MBNL3: variants seen among roughly 807,000 people sequenced by gnomAD.
The protein encoded by MBNL3 is muscleblind like splicing regulator 3, also known as muscleblind-like protein 3.
In MBNL3, 6 loss-of-function variants were observed where a neutral mutation model predicts 24.5. The observed-to-expected ratio is 0.25, with a 90% CI of 0.13 to 0.48. The LOEUF is 0.48. MBNL3 is among the 20% of genes least tolerant of loss of function. The pLI, the probability that MBNL3 is intolerant of heterozygous loss-of-function variation, is 0.99. For synonymous variants in MBNL3, 100 were observed against 101.7 expected, an observed-to-expected ratio of 0.98 and a Z score of 0.10; for missense variants, 230 against 293.5, an observed-to-expected ratio of 0.78 and a Z score of 1.58.
intron 3 of MBNL3, among the ~76,000 whole-genome samples, chrX:132,395,075 A>C (rs1937845490): frequency 1.8e-5 from 2 of 111,827 alleles, no homozygotes; most frequent in African/African-American, 6.5e-5. Context: ...GAAGCAAGCT[A>C]TCCCATTCTC....
At chrX:132,381,311 ATATG>A in intron 8 of MBNL3, 1 of 775,228 alleles carries the variant, frequency 1.3e-6, no homozygotes. Flanking sequence ...TGTAAATAAA[ATATG>A]TAGCCTATAA....
upstream of MBNL3, among the ~76,000 whole-genome samples, chrX:132,489,632 G>T (rs1007873073): frequency 9.0e-6 from 1 of 111,644 alleles, no homozygotes; most frequent in African/African-American, 3.2e-5. Flanking sequence ...GGACAGACGC[G>T]GCACGCGGAG....
Position 132,390,913 on chromosome X carries a change from A to C in MBNL3, c.705T>G (p.Pro235=). The change falls in exon 5 of 9, where the codon CCT becomes CCG. Residue 235 remains proline, a synonymous_variant. Coordinates refer to ENST00000370853, the MANE Select transcript of MBNL3 (RefSeq NM_001386889.1). ...CCTTGAGTCTGGCTTGCAAGTGTGC[A>C]GGAGGATGAAAGTACTTGCATTTCT... ...SREKCKYFHP[P]AHLQARLKAA... 2.5e-6 allele frequency: 3 copies of C among 1,211,596 alleles called. No homozygotes were observed. The highest frequency in any genetic ancestry group is 3.0e-5 in the East Asian group (1 of 33,833).
At chrX:132,477,102 G>A (rs1947482428) in intron 1 of MBNL3, among the ~76,000 whole-genome samples, 1 of 112,363 alleles carries the variant, frequency 8.9e-6, no homozygotes, top group African/African-American at 3.2e-5. Context: ...GAGCATGTAT[G>A]CAATTTCACC....
At chrX:132,409,878 T>C (rs1942476479) in intron 2 of MBNL3, among the ~76,000 whole-genome samples, 1 of 111,982 alleles carries the variant, frequency 8.9e-6, no homozygotes, top group South Asian at 3.7e-4. Flanking sequence ...TTAAAAAACA[T>C]GTCATTCTCA....
At chrX:132,423,125 G>T (rs2148377372) in intron 2 of MBNL3, among the ~76,000 whole-genome samples, 1 of 111,483 alleles carries the variant, frequency 9.0e-6, no homozygotes, top group African/African-American at 3.3e-5. Context: ...GTAAAAGAAG[G>T]CCGGTCTAGG....
chrX:132,392,206 T>C lies in MBNL3; in HGVS notation c.471A>G (p.Gly157=). 8.3e-7 allele frequency: 1 copy of C among 1,210,714 alleles called. No individual in the cohort carries two copies. Among genetic ancestry groups the C allele is most frequent in the Non-Finnish European group, 1.1e-6 (1 of 894,921 alleles). The change falls in exon 4 of 9, where the codon GGA becomes GGG. Residue 157 remains glycine (G), a synonymous_variant. Transcript: ENST00000370853. The part of the protein sequence containing the change: ...LVPNTPVLIP[G]NPPLAMPGAV... The stretch of plus-strand genomic sequence containing the variant: ...CTCCTGGCATTGCAAGAGGTGGGTT[T>C]CCAGGAATCAGAACAGGTGTATTTG...
At chrX:132,428,972 A>C (rs1213963136) in intron 2 of MBNL3, among the ~76,000 whole-genome samples, 2 of 112,315 alleles carry the variant, frequency 1.8e-5, no homozygotes, top group Non-Finnish European at 3.8e-5. Flanking sequence ...AATAGTTTTC[A>C]AATTTCCAAT....
At position 132,443,478 on chromosome X, in the gene MBNL3, A is replaced by G. The variant is rs751492515; in HGVS notation, c.-703-3164T>C. Reference sequence around the variant, plus strand: ...TCATGCCTGATGTATCAACATTTTCATAATCTCCGTAAGTTGTGCTCAACC... The same window carrying G: ...TCATGCCTGATGTATCAACATTTTCGTAATCTCCGTAAGTTGTGCTCAACC... On this transcript the variant is annotated intron_variant, in intron 1 of 8. Transcript: ENST00000370853. Among the ~76,000 whole-genome samples, 10 of 112,050 alleles carry G rather than the reference A, an allele frequency of 8.9e-5. No individual in the cohort carries two copies. The South Asian group carries it at 3.7e-3, about 42-fold the overall frequency.
In MBNL3 at chrX:132,382,269, G is replaced by C. The variant is rs765348863; in HGVS notation, c.962C>G (p.Pro321Arg). 5 of 1,195,994 alleles carry C rather than the reference G, an allele frequency of 4.2e-6. No individual in the cohort carries two copies. In the South Asian group the frequency reaches 5.5e-5, roughly 13 times the overall value. Residue 321 changes from proline to arginine, a missense_variant, in exon 8 of 9, where the codon CCC becomes CGC. Physicochemically the swap from Pro to Arg is moderately radical, Grantham distance 103. Transcript: ENST00000370853. Reference protein sequence around the residue: ...LCMAPASNIVPMMHGATPTTV... With the variant: ...LCMAPASNIVRMMHGATPTTV... The stretch of plus-strand genomic sequence containing the variant: ...GGTAGGTGTAGCACCGTGCATCATG[G>C]GCACTTTCAGTTGAAAACCATAGAA...
intron 1 of MBNL3, among the ~76,000 whole-genome samples, chrX:132,444,519 G>T (rs1365298134): frequency 2.7e-5 from 3 of 111,359 alleles, no homozygotes; most frequent in Admixed American, 9.6e-5. Flanking sequence ...TGTGTCTTTG[G>T]ATAGTATGTT....
chrX:132,376,361 A>G lies in MBNL3; in HGVS notation c.*3305T>C, dbSNP rs1344096909. The G allele has an allele frequency of 8.9e-6, 1 of 111,834 alleles. No homozygotes were observed. Among genetic ancestry groups the G allele is most frequent in the African/African-American group, 3.2e-5 (1 of 30,879 alleles). The allele number at this position is 111,834 out of a possible 1,213,427, so 9.2% of individuals were successfully genotyped here. The stretch of plus-strand genomic sequence containing the variant: ...TTATGAATCCATTTATTTTAATTTA[A>G]TCTTAATCCCTCTTTAAAATATACG... On this transcript the variant is annotated 3_prime_UTR_variant, in exon 9 of 9. Coordinates refer to ENST00000370853, the MANE Select transcript of MBNL3 (RefSeq NM_001386889.1).
chrX:132,425,350 C>T (rs1006792517), intron 2 of MBNL3, among the ~76,000 whole-genome samples: 10 of 111,805 alleles, frequency 8.9e-5, no homozygotes, highest in Non-Finnish European at 9.4e-5. Context: ...CCTAGAGATC[C>T]TTTCTTAAAC....
chrX:132,412,365 C>A (rs1455097609), intron 2 of MBNL3, among the ~76,000 whole-genome samples: 1 of 111,574 alleles, frequency 9.0e-6, no homozygotes, highest in Non-Finnish European at 1.9e-5. Context: ...AAAAAAACTG[C>A]GTTCTCCAAC....
At chrX:132,429,741 A>C (rs1158833720) in intron 2 of MBNL3, 4 of 112,013 alleles carry the variant, frequency 3.6e-5, no homozygotes, top group Non-Finnish European at 7.5e-5. Flanking sequence ...GACTGTGATA[A>C]GAGCTGGATG....
rs776362387 is a variant in MBNL3 at position 132,483,610 on chromosome X, T to A, written c.-704+5241A>T. On this transcript the variant is annotated intron_variant, in intron 1 of 8. Coordinates refer to ENST00000370853, the MANE Select transcript of MBNL3 (RefSeq NM_001386889.1). ...TCACTCTTTCATTTTGCTAATAGAC[T>A]ACCCCTCCCATGCCACTCTCCAACA... Among the ~76,000 whole-genome samples the A allele has an allele frequency of 7.1e-5, 8 of 112,190 alleles. No individual in the cohort carries two copies. In the South Asian group the frequency reaches 3.0e-3, roughly 42 times the overall value.
Position 132,373,216 on chromosome X carries a change from A to G in MBNL3, c.*6450T>C, listed in dbSNP as rs930935792. 1.8e-5 allele frequency: 2 copies of G among 111,390 alleles called. No homozygotes were observed. Among genetic ancestry groups the G allele is most frequent in the Non-Finnish European group, 3.8e-5 (2 of 52,929 alleles). 9.2% of individuals were successfully genotyped at this position (111,390 alleles called of 1,213,427 possible). On this transcript the variant is annotated 3_prime_UTR_variant, in exon 9 of 9. Coordinates refer to ENST00000370853, the MANE Select transcript of MBNL3 (RefSeq NM_001386889.1). ...CTTCTACAGTTATTCCTACTAATTT[A>G]TAGGTGATTTTTCCTGACTTAAAAT...
At chrX:132,459,645 T>C (rs1012223005) in intron 1 of MBNL3, among the ~76,000 whole-genome samples, 4 of 112,044 alleles carry the variant, frequency 3.6e-5, no homozygotes, top group Non-Finnish European at 5.6e-5. Flanking sequence ...CAGTCTACTT[T>C]TTATATATTT....
intron 3 of MBNL3, among the ~76,000 whole-genome samples, chrX:132,396,827 C>CAT (rs1240553616): frequency 1.1e-4 from 2 of 18,808 alleles, no homozygotes; most frequent in East Asian, 1.2e-3. Flanking sequence ...TATATATATT[C>CAT]ATATATATAT....
Sources: allele counts gnomAD v4.1 joint callset (sites outside exome capture counted in the v4.1 genomes callset), GRCh38; gene constraint gnomAD v4.1.1; transcripts MANE v1.5; gene names NCBI Gene and HGNC (gene_info 2026-07-23, HGNC 2026-07-21).